SPMIP8: variants seen among roughly 807,000 people sequenced by gnomAD.
The protein encoded by SPMIP8 is sperm microtubule inner protein 8.
the SPMIP8 span, chr16:57,976,760 C>T: frequency 8.8e-7 from 1 of 1,130,608 alleles, no homozygotes; most frequent in East Asian, 2.5e-5. Flanking sequence ...CCCCTCCCTG[C>T]TCCTCCATGA....
At chr16:57,986,108 G>A in the SPMIP8 span, 2 of 785,144 alleles carry the variant, frequency 2.5e-6, no homozygotes, top group Non-Finnish European at 3.7e-6. Context: ...GGAGAGATCC[G>A]CCCCTGGCAA....
At chr16:57,977,902 G>A in the SPMIP8 span, 65 of 1,613,968 alleles carry the variant, frequency 4.0e-5, no homozygotes, top group South Asian at 1.2e-4. Flanking sequence ...CCCATGGAGC[G>A]GCAGCGCAAC....
the SPMIP8 span, among the ~76,000 whole-genome samples, chr16:57,981,990 A>T: frequency 1.3e-5 from 2 of 152,208 alleles, no homozygotes; most frequent in Non-Finnish European, 2.9e-5. Flanking sequence ...CGGAGACCTC[A>T]GGATTTTATT....
At chr16:57,987,815 C>T in the SPMIP8 span, 1 of 200,324 alleles carries the variant, frequency 5.0e-6, no homozygotes, top group African/African-American at 2.3e-5. Flanking sequence ...CAAGCCCCCT[C>T]CATTTCAGAT....
chr16:57,979,379 A>G, the SPMIP8 span, among the ~76,000 whole-genome samples: 6 of 152,130 alleles, frequency 3.9e-5, no homozygotes, highest in Non-Finnish European at 8.8e-5. Context: ...CCACAGGGAA[A>G]AGGGGCACCC....
At chr16:57,981,272 T>C in the SPMIP8 span, among the ~76,000 whole-genome samples, 1 of 146,534 alleles carries the variant, frequency 6.8e-6, no homozygotes, top group Non-Finnish European at 1.5e-5. Flanking sequence ...TCCCAGCTAC[T>C]GGGAGACTGA....
the SPMIP8 span, among the ~76,000 whole-genome samples, chr16:57,983,621 A>C: frequency 6.6e-6 from 1 of 152,066 alleles, no homozygotes; most frequent in Non-Finnish European, 1.5e-5. Context: ...CAAATTAAAA[A>C]AAAATTTTTT....
chr16:57,987,535 T>A, the SPMIP8 span: 1 of 1,237,862 alleles, frequency 8.1e-7, no homozygotes, highest in Non-Finnish European at 1.1e-6. Context: ...GAGTTCAGCC[T>A]AACTAGAAAT....
At chr16:57,986,236 C>T in the SPMIP8 span, 1 of 367,448 alleles carries the variant, frequency 2.7e-6, no homozygotes, top group Non-Finnish European at 4.9e-6. Flanking sequence ...AGAAAACAGA[C>T]AAATAAGAAA....
chr16:57,983,921 C>G, the SPMIP8 span, among the ~76,000 whole-genome samples: 2 of 145,650 alleles, frequency 1.4e-5, no homozygotes, highest in African/African-American at 5.1e-5. Flanking sequence ...CCTTTTTTTT[C>G]TTTTTTTGAG....
At chr16:57,978,930 G>C in the SPMIP8 span, among the ~76,000 whole-genome samples, 1 of 152,158 alleles carries the variant, frequency 6.6e-6, no homozygotes, top group East Asian at 1.9e-4. Context: ...TGTAATTAAT[G>C]GAGAGAGAAC....
the SPMIP8 span, chr16:57,977,823 C>G: frequency 6.2e-7 from 1 of 1,612,842 alleles, no homozygotes; most frequent in Non-Finnish European, 8.5e-7. Context: ...AGCTATGGCC[C>G]GCATCATTGA....
chr16:57,983,871 C>G, the SPMIP8 span, among the ~76,000 whole-genome samples: 2 of 152,120 alleles, frequency 1.3e-5, no homozygotes, highest in Non-Finnish European at 2.9e-5. Flanking sequence ...CTTTGGCCTC[C>G]CAAAGTGCTG....
the SPMIP8 span, among the ~76,000 whole-genome samples, chr16:57,981,381 A>G: frequency 2.1e-5 from 3 of 143,812 alleles, no homozygotes; most frequent in Non-Finnish European, 4.5e-5. Flanking sequence ...CTCCGTCTCA[A>G]TAATAATAAT....
At chr16:57,984,856 G>A in the SPMIP8 span, 1 of 1,547,902 alleles carries the variant, frequency 6.5e-7, no homozygotes, top group South Asian at 1.2e-5. Flanking sequence ...GGTGGGCCGC[G>A]GGGCTGGAGC....
the SPMIP8 span, among the ~76,000 whole-genome samples, chr16:57,982,936 G>T: frequency 6.6e-6 from 1 of 152,088 alleles, no homozygotes; most frequent in Non-Finnish European, 1.5e-5. Flanking sequence ...AGGCTGAGGC[G>T]TGAGAATCGC....
chr16:57,976,563 G>A, the SPMIP8 span: 5 of 1,614,074 alleles, frequency 3.1e-6, no homozygotes, highest in Non-Finnish European at 4.2e-6. Flanking sequence ...CCATTGAGCA[G>A]TCAAAGAACT....
the SPMIP8 span, chr16:57,985,174 A>G: frequency 1.4e-6 from 2 of 1,476,254 alleles, no homozygotes. Context: ...GGGGGGGCGG[A>G]TGAGCGCTCG....
the SPMIP8 span, among the ~76,000 whole-genome samples, chr16:57,983,611 C>T: frequency 2.6e-5 from 4 of 151,714 alleles, no homozygotes; most frequent in Admixed American, 2.0e-4. Context: ...TTTAAGTTGT[C>T]AAATTAAAAA....
Sources: gnomAD v4.1 joint callset for allele counts (sites outside exome capture counted in the v4.1 genomes callset) on GRCh38, gnomAD v4.1.1 for gene constraint, MANE v1.5 for transcripts, NCBI Gene and HGNC (gene_info 2026-07-23, HGNC 2026-07-21) for gene names.